Variants in FXYD6 observed in about 807,000 individuals in gnomAD.
FXYD6 encodes the protein FXYD domain containing ion transport regulator 6.
A neutral mutation model predicts 16.7 loss-of-function variants in FXYD6; 7 were observed. That is an observed-to-expected ratio of 0.42 (90% confidence interval 0.24 to 0.79). The LOEUF (loss-of-function observed/expected upper bound fraction) is 0.79. FXYD6 is among the 30% of genes least tolerant of loss of function. The pLI, the probability that FXYD6 is intolerant of heterozygous loss-of-function variation, is 0.28. For missense variants in FXYD6, 111 were observed against 116.2 expected (o/e 0.95, Z 0.21); for synonymous variants, 49 against 43.0 (o/e 1.14, Z -0.54).
At chr11:117,858,720 C>CT in intron 1 of FXYD6, among the ~76,000 whole-genome samples, 1 of 95,144 alleles carries the variant, frequency 1.1e-5, no homozygotes, top group Non-Finnish European at 2.1e-5. Context: ...TCTCTCCTTC[C>CT]TTCCCTTCCT....
At position 117,837,036 on chromosome 11, in the gene FXYD6, G is replaced by A. The variant is rs1452116734; in HGVS notation, c.*1263C>T. ...TCTGTTGTTGTTGAGGATAGATCAC[G>A]ATACAGAGAACAGCAATGGGTCACA... is the stretch of plus-strand genomic sequence containing the variant. On this transcript the variant is annotated 3_prime_UTR_variant, in exon 8 of 8. Coordinates refer to ENST00000526014, the MANE Select transcript of FXYD6 (RefSeq NM_022003.4). The surrounding 1 kb of genome is among the most constrained non-coding windows in gnomAD (Gnocchi z 4.4). 1.3e-5 allele frequency: 2 copies of A among 152,180 alleles called. No homozygotes were observed. Among genetic ancestry groups the A allele is most frequent in the Admixed American group, 6.5e-5 (1 of 15,282 alleles). The allele number at this position is 152,180 out of a possible 1,614,324, so 9.4% of individuals were successfully genotyped here.
chr11:117,842,603 A>G (rs538599466), intron 2 of FXYD6, 116 bp downstream of exon 2: 3 of 1,048,760 alleles, frequency 2.9e-6, no homozygotes, highest in East Asian at 2.6e-5. Flanking sequence ...CTGACTAGAC[A>G]TGAAGAACGT....
intron 1 of FXYD6, among the ~76,000 whole-genome samples, chr11:117,873,687 C>T (rs376921889): frequency 3.3e-5 from 5 of 152,188 alleles, no homozygotes; most frequent in Admixed American, 6.5e-5. Context: ...ATCCAGATGG[C>T]GGCCGACTAA....
chr11:117,840,469 C>G, intron 5 of FXYD6, 101 bp from the exon 6 acceptor site: 1 of 1,518,862 alleles, frequency 6.6e-7, no homozygotes. Context: ...TGCAGTCAGG[C>G]TCCTCCCAGT....
chr11:117,851,430 C>T (rs1221234513), intron 1 of FXYD6, among the ~76,000 whole-genome samples: 2 of 152,216 alleles, frequency 1.3e-5, no homozygotes, highest in Non-Finnish European at 2.9e-5. Flanking sequence ...TGCCATGAAC[C>T]ACATAAGTGA....
intron 3 of FXYD6, 42 bp downstream of exon 3, chr11:117,841,948 G>T: frequency 1.2e-6 from 2 of 1,613,880 alleles, no homozygotes; most frequent in Non-Finnish European, 1.7e-6. Context: ...AGGCAGGGCT[G>T]CATTCCCCCT....
intron 1 of FXYD6, among the ~76,000 whole-genome samples, chr11:117,852,806 T>C (rs1236759356): frequency 6.6e-6 from 1 of 152,260 alleles, no homozygotes; most frequent in Non-Finnish European, 1.5e-5. Context: ...TAACTGCTCT[T>C]TCATATTTTC....
intron 1 of FXYD6, among the ~76,000 whole-genome samples, chr11:117,854,478 CA>C (rs1205119562): frequency 6.6e-6 from 1 of 152,196 alleles, no homozygotes; most frequent in African/African-American, 2.4e-5. Flanking sequence ...ATCCATTACA[CA>C]AGCCAACACT....
At chr11:117,853,618 AG>A (rs1424519325) in intron 1 of FXYD6, among the ~76,000 whole-genome samples, 1 of 152,090 alleles carries the variant, frequency 6.6e-6, no homozygotes, top group African/African-American at 2.4e-5. Context: ...CAGCCTCCCT[AG>A]TAGCTGGAAC....
intron 1 of FXYD6, among the ~76,000 whole-genome samples, chr11:117,865,471 C>A (rs555638245): frequency 1.3e-5 from 2 of 152,278 alleles, no homozygotes; most frequent in South Asian, 4.1e-4. Context: ...CCCAGGTGTT[C>A]ATCAGTGGAT....
At chr11:117,863,969 AT>A (rs1335259901) in intron 1 of FXYD6, among the ~76,000 whole-genome samples, 3 of 152,212 alleles carry the variant, frequency 2.0e-5, no homozygotes, top group African/African-American at 4.8e-5. Flanking sequence ...AACGGAAAAA[AT>A]AGTCCATGTT....
At chr11:117,862,030 A>G (rs2134188972) in intron 1 of FXYD6, among the ~76,000 whole-genome samples, 1 of 152,360 alleles carries the variant, frequency 6.6e-6, no homozygotes, top group South Asian at 2.1e-4. Flanking sequence ...AGCAAGACAG[A>G]CAGAGGACAT....
rs926735591 is a variant in FXYD6 at position 117,849,777 on chromosome 11, G to A, written c.-5-6996C>T. Among the ~76,000 whole-genome samples, 6 of 152,018 alleles carry A rather than the reference G, an allele frequency of 3.9e-5. No individual in the cohort carries two copies. In the East Asian group the frequency reaches 5.8e-4, roughly 15 times the overall value. ...GAAGGCCTCGGTAGCTGAAGGCCTCGCCACTGCATGCTGAAACTTAACCTT... is the reference window on the plus strand; with the variant it reads ...GAAGGCCTCGGTAGCTGAAGGCCTCACCACTGCATGCTGAAACTTAACCTT... On this transcript the variant is annotated intron_variant, in intron 1 of 7. Coordinates refer to ENST00000526014, the MANE Select transcript of FXYD6 (RefSeq NM_022003.4).
At chr11:117,858,684 TTTC>T (rs2056810532) in intron 1 of FXYD6, among the ~76,000 whole-genome samples, 1 of 89,012 alleles carries the variant, frequency 1.1e-5, no homozygotes, top group South Asian at 5.5e-4. Flanking sequence ...TCTTTCTTTC[TTTC>T]TTTCTTTCTT....
intron 1 of FXYD6, among the ~76,000 whole-genome samples, chr11:117,854,658 T>A (rs1290601238): frequency 2.0e-5 from 3 of 152,034 alleles, no homozygotes; most frequent in Non-Finnish European, 1.5e-5. Flanking sequence ...GCAACAATAG[T>A]CCAGAAAGAC....
At chr11:117,843,558 CCA>C (rs1220131380) in intron 1 of FXYD6, 10 of 152,202 alleles carry the variant, frequency 6.6e-5, no homozygotes, top group Admixed American at 2.0e-4. Context: ...GGCCAGTAAA[CCA>C]GTGTCCCTCT....
In FXYD6 at chr11:117,858,006, T is replaced by C. The variant is rs1039273203; in HGVS notation, c.-5-15225A>G. On this transcript the variant is annotated intron_variant, in intron 1 of 7. Coordinates refer to ENST00000526014, the MANE Select transcript of FXYD6 (RefSeq NM_022003.4). Reference sequence around the variant, plus strand: ...GGCCTTGGCTTTGGAATGTGTTTTATTTTTATGGGAATTAAGCCTCATAAT... The same window carrying C: ...GGCCTTGGCTTTGGAATGTGTTTTACTTTTATGGGAATTAAGCCTCATAAT... Among the ~76,000 whole-genome samples, 9 of 152,244 alleles carry C rather than the reference T, an allele frequency of 5.9e-5. No individual in the cohort carries two copies. In the South Asian group the frequency reaches 1.9e-3, roughly 32 times the overall value.
chr11:117,850,798 A>ATT (rs796279043), intron 1 of FXYD6, among the ~76,000 whole-genome samples: 1 of 144,964 alleles, frequency 6.9e-6, no homozygotes, highest in Non-Finnish European at 1.5e-5. Flanking sequence ...TAGCTTAGTG[A>ATT]TTTTTTTTTT....
At chr11:117,875,857 G>T (rs956686444) in intron 1 of FXYD6, among the ~76,000 whole-genome samples, 1 of 152,132 alleles carries the variant, frequency 6.6e-6, no homozygotes, top group African/African-American at 2.4e-5. Flanking sequence ...AGAAGCCAGC[G>T]CTGGGAGCTC....
Sources: allele counts gnomAD v4.1 joint callset (sites outside exome capture counted in the v4.1 genomes callset), GRCh38; gene constraint gnomAD v4.1.1; non-coding constraint Gnocchi (gnomAD v3.1); transcripts MANE v1.5; gene names NCBI Gene and HGNC (gene_info 2026-07-23, HGNC 2026-07-21).